Variants in PTK2B observed in about 807,000 individuals in gnomAD.
PTK2B encodes protein tyrosine kinase 2 beta, also known as protein-tyrosine kinase 2-beta.
A neutral mutation model predicts 142.9 loss-of-function variants in PTK2B; 71 were observed. That is an observed-to-expected ratio of 0.50 (90% confidence interval 0.41 to 0.61). The LOEUF (loss-of-function observed/expected upper bound fraction) is 0.61, where lower values mean the gene tolerates loss of function less well. Among genes scored for constraint, PTK2B ranks in the 20% least tolerant of loss-of-function variants. PTK2B has a pLI of 0.00. For missense variants in PTK2B, 1,105 were observed against 1,320.4 expected, an observed-to-expected ratio of 0.84 and a Z score of 2.53; for synonymous variants, 519 against 503.4, an observed-to-expected ratio of 1.03 and a Z score of -0.42.
chr8:27,425,517 C>G (rs1301153781), intron 5 of PTK2B, among the ~76,000 whole-genome samples: 1 of 151,926 alleles, frequency 6.6e-6, no homozygotes, highest in Admixed American at 6.6e-5. Flanking sequence ...TTCCTATATA[C>G]CCCCTTCCCC....
chr8:27,365,618 C>T (rs1243243873), intron 1 of PTK2B, among the ~76,000 whole-genome samples: 7 of 151,986 alleles, frequency 4.6e-5, no homozygotes, highest in African/African-American at 1.2e-4. Context: ...TCAGTTTCCC[C>T]ATATGTAACA....
intron 10 of PTK2B, 81 bp downstream of exon 10, chr8:27,432,442 AG>A (rs1422819286): frequency 3.0e-6 from 4 of 1,353,960 alleles, no homozygotes; most frequent in Non-Finnish European, 2.1e-6. Context: ...TCAGACCAAA[AG>A]TCTGTGACAC....
chr8:27,333,803 T>TAAGTGC, intron 1 of PTK2B, among the ~76,000 whole-genome samples: 1 of 152,148 alleles, frequency 6.6e-6, no homozygotes, highest in East Asian at 1.9e-4. Context: ...ACAGGCCCCT[T>TAAGTGC]CTCCATCATG....
intron 1 of PTK2B, among the ~76,000 whole-genome samples, chr8:27,378,921 C>A (rs1806842156): frequency 6.6e-6 from 1 of 152,090 alleles, no homozygotes; most frequent in African/African-American, 2.4e-5. Flanking sequence ...GCTTCAGAAA[C>A]CTCAATGAAC....
intron 5 of PTK2B, among the ~76,000 whole-genome samples, chr8:27,427,144 C>T (rs936085244): frequency 6.6e-6 from 1 of 152,162 alleles, no homozygotes; most frequent in Non-Finnish European, 1.5e-5. Context: ...ACTCTTCTAT[C>T]TTCTGGCACC....
At chr8:27,441,209 GGGCTCCA>G (rs1811140761) in intron 21 of PTK2B, among the ~76,000 whole-genome samples, 1 of 152,122 alleles carries the variant, frequency 6.6e-6, no homozygotes, top group South Asian at 2.1e-4. Flanking sequence ...GGGTGTAGCT[GGGCTCCA>G]GTGAAACACC....
intron 1 of PTK2B, among the ~76,000 whole-genome samples, chr8:27,352,311 A>G (rs1207868292): frequency 6.6e-6 from 1 of 152,188 alleles, no homozygotes. Context: ...TAGAATTCAT[A>G]GTCTCCAGTG....
At chr8:27,409,909 G>A (rs1368261786) in intron 2 of PTK2B, among the ~76,000 whole-genome samples, 1 of 151,890 alleles carries the variant, frequency 6.6e-6, no homozygotes, top group Non-Finnish European at 1.5e-5. Flanking sequence ...TTTAGTAGAG[G>A]CAGGGTTTCA....
At chr8:27,446,658 A>G (rs1811492288) in intron 24 of PTK2B, among the ~76,000 whole-genome samples, 1 of 152,166 alleles carries the variant, frequency 6.6e-6, no homozygotes, top group Non-Finnish European at 1.5e-5. Flanking sequence ...ATTTTACTAA[A>G]CCAACTAAAA....
intron 3 of PTK2B, among the ~76,000 whole-genome samples, chr8:27,314,362 G>GAT: frequency 6.6e-6 from 1 of 152,332 alleles, no homozygotes; most frequent in African/African-American, 2.4e-5. Flanking sequence ...GGTCGAAGAA[G>GAT]GCCTTGAGCT....
chr8:27,444,138 T>A, intron 22 of PTK2B, 68 bp from the exon 23 acceptor site: 2 of 1,492,458 alleles, frequency 1.3e-6, no homozygotes, highest in Non-Finnish European at 1.9e-6. Flanking sequence ...GACCTGATGT[T>A]CCCCTTGGTG....
At chr8:27,310,955 C>G (rs780612302), upstream of PTK2B, 32 of 1,612,490 alleles carry the variant, frequency 2.0e-5, no homozygotes, top group Non-Finnish European at 2.6e-5. Flanking sequence ...GAAGCGGTAG[C>G]TGGTCCAGCG....
chr8:27,376,097 G>A (rs1422806564), intron 1 of PTK2B, among the ~76,000 whole-genome samples: 5 of 152,228 alleles, frequency 3.3e-5, no homozygotes, highest in African/African-American at 9.6e-5. Flanking sequence ...GGTGTGGGCT[G>A]TAAAGCCATG....
intron 1 of PTK2B, among the ~76,000 whole-genome samples, chr8:27,354,985 T>C (rs1314521245): frequency 1.3e-5 from 2 of 152,192 alleles, no homozygotes; most frequent in African/African-American, 4.8e-5. Flanking sequence ...ATGATGTTCT[T>C]ACAGTAAACG....
At chr8:27,424,871 GAA>G (rs34778526) in intron 5 of PTK2B, among the ~76,000 whole-genome samples, 105 of 150,390 alleles carry the variant, frequency 7.0e-4, no homozygotes, top group Non-Finnish European at 1.2e-3. Flanking sequence ...ACATCTCCAG[GAA>G]AAAAAAAAAT....
intron 11 of PTK2B, 27 bp downstream of exon 11, chr8:27,433,579 C>A (rs766706795): frequency 6.3e-7 from 1 of 1,590,484 alleles, no homozygotes; most frequent in South Asian, 1.1e-5. Context: ...GGTAAAGTGG[C>A]TGGACCACGG....
chr8:27,377,352 A>G (rs1367384985), intron 1 of PTK2B, among the ~76,000 whole-genome samples: 2 of 152,206 alleles, frequency 1.3e-5, no homozygotes, highest in Non-Finnish European at 2.9e-5. Context: ...TGTTCACAAC[A>G]GTTCTGGGAA....
chr8:27,432,442 A>G, intron 10 of PTK2B, 81 bp downstream of exon 10: 1 of 1,354,078 alleles, frequency 7.4e-7, no homozygotes, highest in Non-Finnish European at 1.0e-6. Flanking sequence ...TCAGACCAAA[A>G]GTCTGTGACA....
At chr8:27,310,754 G>A (rs573009351), upstream of PTK2B, 11 of 1,528,846 alleles carry the variant, frequency 7.2e-6, no homozygotes, top group Admixed American at 4.0e-5. Flanking sequence ...AAGGGATTCC[G>A]GGTTCCAGAC....
Sources: allele counts gnomAD v4.1 joint callset (sites outside exome capture counted in the v4.1 genomes callset), GRCh38; gene constraint gnomAD v4.1.1; transcripts MANE v1.5; gene names NCBI Gene and HGNC (gene_info 2026-07-23, HGNC 2026-07-21).